Variants in BTBD16 observed in about 807,000 individuals in gnomAD.
BTBD16 encodes BTB domain containing 16, also known as BTB/POZ domain-containing protein 16.
Under a neutral mutation model 67.4 loss-of-function variants are expected in BTBD16, and 66 were observed. That is an observed-to-expected ratio of 0.98 (90% CI 0.80 to 1.20). BTBD16 has a LOEUF of 1.20. Among genes scored for constraint, BTBD16 ranks in the 50% most tolerant of loss-of-function variants. BTBD16 has a pLI of 0.00. For synonymous variants in BTBD16, 242 were observed against 236.4 expected (o/e 1.02, Z -0.22); for missense variants, 634 against 616.0 (o/e 1.03, Z -0.31).
chr10:122,289,589 C>T (rs1351544553), intron 5 of BTBD16, among the ~76,000 whole-genome samples: 4 of 151,912 alleles, frequency 2.6e-5, no homozygotes, highest in African/African-American at 9.7e-5. Context: ...AAATGTAAAA[C>T]TAGCCAGGCA....
At chr10:122,271,816 A>G (rs1334218216) in intron 1 of BTBD16, among the ~76,000 whole-genome samples, 1 of 152,132 alleles carries the variant, frequency 6.6e-6, no homozygotes, top group Admixed American at 6.5e-5. Context: ...TTTCAAGATC[A>G]GCTAAAAAAG....
rs1309481050 is a variant in BTBD16 at position 122,289,897 on chromosome 10, T to C, written c.386-12T>C. On this transcript the variant is annotated splice_polypyrimidine_tract_variant and intron_variant, in intron 5 of 15. Transcript: ENST00000260723. Reference sequence around the variant, plus strand: ...TCACATCCTGCCATCATCATCTCATTTCCTTTACTAGCTCAATCACCTAAG... The same window carrying C: ...TCACATCCTGCCATCATCATCTCATCTCCTTTACTAGCTCAATCACCTAAG... The C allele has an allele frequency of 6.2e-7, 1 of 1,610,184 alleles. No individual in the cohort carries two copies. The highest frequency in any genetic ancestry group is 1.1e-5 in the South Asian group (1 of 90,774).
chr10:122,280,170 G>A (rs1268315610), intron 3 of BTBD16, among the ~76,000 whole-genome samples: 1 of 152,186 alleles, frequency 6.6e-6, no homozygotes, highest in Non-Finnish European at 1.5e-5. Context: ...TAGTTTATGT[G>A]CAAATCACGG....
intron 2 of BTBD16, 57 bp from the exon 3 acceptor site, chr10:122,276,734 G>A (rs1207558778): frequency 1.3e-6 from 2 of 1,586,526 alleles, no homozygotes; most frequent in Non-Finnish European, 1.7e-6. Flanking sequence ...TGGAAAATCT[G>A]GCATTTATGT....
chr10:122,296,853 G>A (rs999646686), intron 7 of BTBD16, among the ~76,000 whole-genome samples: 1 of 152,258 alleles, frequency 6.6e-6, no homozygotes, highest in African/African-American at 2.4e-5. Context: ...AGAGGGGACA[G>A]TGTGGAGCAG....
intron 10 of BTBD16, 145 bp downstream of exon 10, chr10:122,307,453 A>G: frequency 1.3e-6 from 1 of 787,746 alleles, no homozygotes; most frequent in South Asian, 2.3e-5. Flanking sequence ...AGGGCCTAAG[A>G]TTATAGGATG....
chr10:122,329,666 C>T, intron 11 of BTBD16, 95 bp downstream of exon 11: 1 of 1,008,724 alleles, frequency 9.9e-7, no homozygotes, highest in African/African-American at 1.6e-5. Context: ...CTGATGTTTC[C>T]AAGGGAATCA....
chr10:122,294,552 GCACA>G (rs75537599), intron 7 of BTBD16, among the ~76,000 whole-genome samples: 1 of 152,024 alleles, frequency 6.6e-6, no homozygotes, highest in East Asian at 1.9e-4. Context: ...GCATGTGTAT[GCACA>G]CACACGCTCA....
At chr10:122,329,415 G>A in intron 10 of BTBD16, 65 bp from the exon 11 acceptor site, 2 of 1,522,044 alleles carry the variant, frequency 1.3e-6, no homozygotes, top group South Asian at 1.1e-5. Context: ...GCTTTCCCTA[G>A]CCCGAGCTAA....
chr10:122,331,991 A>G (rs1251522017), intron 12 of BTBD16: 1 of 174,332 alleles, frequency 5.7e-6, no homozygotes, highest in Non-Finnish European at 1.2e-5. Flanking sequence ...ACATCTCGGG[A>G]AGTCCCCACC....
chr10:122,281,276 G>A (rs1253829646), intron 3 of BTBD16, among the ~76,000 whole-genome samples: 1 of 152,238 alleles, frequency 6.6e-6, no homozygotes, highest in Non-Finnish European at 1.5e-5. Flanking sequence ...GTGTGTGGCT[G>A]TAGGTTTTGC....
chr10:122,333,732 TA>T (rs1179037377), intron 13 of BTBD16, among the ~76,000 whole-genome samples: 1 of 152,076 alleles, frequency 6.6e-6, no homozygotes, highest in Non-Finnish European at 1.5e-5. Context: ...ATGTGCAGCC[TA>T]AATATCTTCT....
intron 5 of BTBD16, among the ~76,000 whole-genome samples, chr10:122,288,538 G>C (rs1451692650): frequency 3.9e-5 from 6 of 152,154 alleles, no homozygotes; most frequent in African/African-American, 1.4e-4. Flanking sequence ...TCCATGTGCT[G>C]CGTTCATTCA....
chr10:122,308,091 T>G (rs914839292), intron 10 of BTBD16, among the ~76,000 whole-genome samples: 8 of 152,194 alleles, frequency 5.3e-5, no homozygotes, highest in Admixed American at 4.6e-4. Flanking sequence ...CTTTTTCCAA[T>G]GAGTCATGCA....
intron 5 of BTBD16, among the ~76,000 whole-genome samples, chr10:122,287,102 C>T (rs1481281112): frequency 6.6e-6 from 1 of 152,218 alleles, no homozygotes; most frequent in Non-Finnish European, 1.5e-5. Context: ...CCACTGCCTG[C>T]GGGAATCTGA....
rs939757537 is a variant in BTBD16, at chr10:122,316,677, A to G, written c.911+9369A>G. On this transcript the variant is annotated intron_variant, in intron 10 of 15. Transcript: ENST00000260723. ...AGATAAAAAAAAAGGATACACCTGTACAGGGCACTTATCATGCATGGAACT... is the reference window on the plus strand; with the variant it reads ...AGATAAAAAAAAAGGATACACCTGTGCAGGGCACTTATCATGCATGGAACT... 6.6e-5 allele frequency among the ~76,000 whole-genome samples: 10 copies of G among 152,366 alleles called. No individual in the cohort carries two copies. In the East Asian group the frequency reaches 1.9e-3, roughly 29 times the overall value.
At chr10:122,284,015 C>T in intron 4 of BTBD16, 91 bp downstream of exon 4, 1 of 933,768 alleles carries the variant, frequency 1.1e-6, no homozygotes, top group Non-Finnish European at 1.8e-6. Flanking sequence ...GTCCATAAAC[C>T]AGGGCGCTAG....
intron 6 of BTBD16, among the ~76,000 whole-genome samples, chr10:122,290,570 G>A (rs535863603): frequency 2.6e-5 from 4 of 152,276 alleles, no homozygotes; most frequent in Non-Finnish European, 5.9e-5. Context: ...ACACTCTGAC[G>A]GTGAATCAGC....
intron 10 of BTBD16, among the ~76,000 whole-genome samples, chr10:122,328,235 C>G (rs1269057166): frequency 6.6e-6 from 1 of 152,216 alleles, no homozygotes; most frequent in Non-Finnish European, 1.5e-5. Context: ...CCGCACCCAC[C>G]AGCCCCGGCT....
Sources: allele counts gnomAD v4.1 joint callset (sites outside exome capture counted in the v4.1 genomes callset), GRCh38; gene constraint gnomAD v4.1.1; transcripts MANE v1.5; gene names NCBI Gene and HGNC (gene_info 2026-07-23, HGNC 2026-07-21).